The following TOGARAM1 variants were observed in gnomAD, a reference collection of about 807,000 sequenced individuals.
The protein encoded by TOGARAM1 is TOG array regulator of axonemal microtubules protein 1.
In TOGARAM1, 100 loss-of-function variants were observed where a neutral mutation model predicts 166.6. The observed-to-expected ratio is 0.60, with a 90% CI of 0.51 to 0.71. TOGARAM1 has a LOEUF of 0.71. Ranked by LOEUF, TOGARAM1 falls within the 30% of genes least tolerant of loss-of-function variation. The pLI is 0.00. For missense variants in TOGARAM1, 2,029 were observed against 2,102.7 expected (o/e 0.96, Z 0.69); for synonymous variants, 758 against 763.8 (o/e 0.99, Z 0.13).
At chr14:45,027,596 G>A in intron 9 of TOGARAM1, 122 bp downstream of exon 9, 4 of 759,184 alleles carry the variant, frequency 5.3e-6, no homozygotes, top group Non-Finnish European at 7.6e-6. Context: ...TAGTACAGTT[G>A]AAATTTTGAG....
At chr14:45,071,612 C>T (rs1883385428) in intron 18 of TOGARAM1, 100 bp from the exon 19 acceptor site, 1 of 724,108 alleles carries the variant, frequency 1.4e-6, no homozygotes, top group Non-Finnish European at 2.3e-6. Flanking sequence ...ACATTTGCAT[C>T]CTAGAAGTGA....
At chr14:45,066,812 A>C in intron 17 of TOGARAM1, 45 bp downstream of exon 17, 29 of 1,525,262 alleles carry the variant, frequency 1.9e-5, no homozygotes, top group Middle Eastern at 2.4e-4. Flanking sequence ...ATGGTGGCTC[A>C]CGCCTGTAAT....
At chr14:44,973,719 G>T (rs1197386630) in intron 1 of TOGARAM1, among the ~76,000 whole-genome samples, 1 of 150,466 alleles carries the variant, frequency 6.6e-6, no homozygotes, top group African/African-American at 2.4e-5. Context: ...TTCAATTTCT[G>T]TTTGTCTGAG....
chr14:44,999,451 T>C lies in TOGARAM1; in HGVS notation c.2292T>C (p.Gly764=). The change falls in exon 3 of 20, where the codon GGT becomes GGC. Residue 764 remains glycine, a synonymous_variant. Transcript: ENST00000361462. ...TATGTGGTAAAACTGGCAGTGTGGGTTCTGACTTACAATTCCTAGGGACAA... is the reference window on the plus strand; with the variant it reads ...TATGTGGTAAAACTGGCAGTGTGGGCTCTGACTTACAATTCCTAGGGACAA... ...SQICGKTGSV[G]SDLQFLGTTS... is the part of the protein sequence containing the mutation. 1 of 1,612,782 alleles carries C rather than the reference T, an allele frequency of 6.2e-7. No homozygotes were observed. The highest frequency in any genetic ancestry group is 8.5e-7 in the Non-Finnish European group (1 of 1,179,286).
chr14:44,978,991 A>C (rs1886376687), intron 1 of TOGARAM1, among the ~76,000 whole-genome samples: 1 of 150,164 alleles, frequency 6.7e-6, no homozygotes. Flanking sequence ...TTTTAATGTC[A>C]CTAACCAATC....
chr14:45,066,377 A>C (rs1594708199), intron 16 of TOGARAM1, among the ~76,000 whole-genome samples: 1 of 152,152 alleles, frequency 6.6e-6, no homozygotes, highest in East Asian at 1.9e-4. Flanking sequence ...AACTCTTACG[A>C]GTCTTCCTAG....
chr14:45,020,114 A>T (rs779921611), intron 7 of TOGARAM1, among the ~76,000 whole-genome samples: 18 of 152,174 alleles, frequency 1.2e-4, no homozygotes, highest in Non-Finnish European at 5.9e-5. Context: ...TCCAAAGAAG[A>T]GTAACAATAT....
At chr14:45,061,517 G>A (rs1882899709) in intron 16 of TOGARAM1, among the ~76,000 whole-genome samples, 1 of 152,178 alleles carries the variant, frequency 6.6e-6, no homozygotes, top group Non-Finnish European at 1.5e-5. Context: ...GATATTAGCT[G>A]TAGGTTTCAT....
chr14:45,004,145 C>T lies in TOGARAM1; in HGVS notation c.2423C>T (p.Pro808Leu), dbSNP rs2138838162. 6.2e-7 allele frequency: 1 copy of T among 1,614,072 alleles called. No homozygotes were observed. The highest frequency in any genetic ancestry group is 2.2e-5 in the East Asian group (1 of 44,860). The change falls in exon 4 of 20, where the codon CCA becomes CTA. Residue 808 changes from proline to leucine, a missense_variant. Physicochemically the swap from Pro to Leu is moderately conservative, Grantham distance 98 (BLOSUM62 -3). Coordinates refer to ENST00000361462, the MANE Select transcript of TOGARAM1 (RefSeq NM_001308120.2). ...TGTACTTCCTCAAATGGTCAAAATC[C>T]AAGTCCAGGAGCTTACATCCTTCCA... is the stretch of plus-strand genomic sequence containing the variant. ...TECTSSNGQN[P>L]SPGAYILPSY...
At chr14:44,986,089 T>A (rs949549087) in intron 1 of TOGARAM1, among the ~76,000 whole-genome samples, 3 of 152,244 alleles carry the variant, frequency 2.0e-5, no homozygotes, top group South Asian at 2.1e-4. Flanking sequence ...GTGTTGTTAA[T>A]GTATACAATC....
At chr14:45,036,546 G>A (rs1023730630) in intron 11 of TOGARAM1, among the ~76,000 whole-genome samples, 2 of 152,130 alleles carry the variant, frequency 1.3e-5, no homozygotes, top group African/African-American at 2.4e-5. Flanking sequence ...TCAAAGCAAA[G>A]AATATTAATG....
At position 45,073,727 on chromosome 14, in the gene TOGARAM1, C is replaced by G; in HGVS notation, c.*166C>G. On this transcript the variant is annotated 3_prime_UTR_variant, in exon 20 of 20. Coordinates refer to ENST00000361462, the MANE Select transcript of TOGARAM1 (RefSeq NM_001308120.2). ...ACACATCTGTCCTATATCAACCTTACCACTTATATTCATCACATAAAAACC... is the reference window on the plus strand; with the variant it reads ...ACACATCTGTCCTATATCAACCTTAGCACTTATATTCATCACATAAAAACC... The G allele has an allele frequency of 1.8e-6, 1 of 559,094 alleles. No homozygotes were observed. Among genetic ancestry groups the G allele is most frequent in the Non-Finnish European group, 3.0e-6 (1 of 329,860 alleles). 34.6% of individuals were successfully genotyped at this position (559,094 alleles called of 1,614,324 possible). A position where few individuals can be genotyped will look rare whatever the true frequency, so the allele number is the denominator to read the frequency against.
chr14:45,056,324 G>C (rs955866031), intron 16 of TOGARAM1, among the ~76,000 whole-genome samples: 19 of 152,108 alleles, frequency 1.2e-4, no homozygotes, highest in Non-Finnish European at 2.9e-5. Context: ...TCAGCAAACA[G>C]GGATAATTTG....
chr14:45,053,202 C>A (rs4497593), intron 15 of TOGARAM1, among the ~76,000 whole-genome samples: 7,051 of 151,972 alleles, frequency 0.046, 535 homozygotes, highest in African/African-American at 0.16. Flanking sequence ...CCACGCCCAA[C>A]TAATTTTTTG....
At chr14:44,968,092 G>A (rs570156714) in intron 1 of TOGARAM1, among the ~76,000 whole-genome samples, 2 of 152,274 alleles carry the variant, frequency 1.3e-5, no homozygotes, top group South Asian at 4.1e-4. Flanking sequence ...GAAAGATGCT[G>A]TGGTGTAATT....
Position 44,964,484 on chromosome 14 carries a change from T to G in TOGARAM1, c.2046+17T>G. 1.3e-6 allele frequency: 2 copies of G among 1,521,380 alleles called. No homozygotes were observed. The highest frequency in any genetic ancestry group is 1.8e-6 in the Non-Finnish European group (2 of 1,135,950). 94.2% of individuals were successfully genotyped at this position (1,521,380 alleles called of 1,614,324 possible). A position where few individuals can be genotyped will look rare whatever the true frequency, so the allele number is the denominator to read the frequency against. ...ATAGAGCAGGTATGCTTCTCTAATT[T>G]TCTTGAGTCGAAAGTGTGAAGAATT... On this transcript the variant is annotated intron_variant, in intron 1 of 19. Coordinates refer to ENST00000361462, the MANE Select transcript of TOGARAM1 (RefSeq NM_001308120.2).
At chr14:45,045,660 CAT>C (rs1479713619) in intron 13 of TOGARAM1, among the ~76,000 whole-genome samples, 22 of 83,178 alleles carry the variant, frequency 2.6e-4, no homozygotes, top group East Asian at 6.8e-4. Flanking sequence ...TATATACACA[CAT>C]ATATATGTGT....
intron 7 of TOGARAM1, among the ~76,000 whole-genome samples, chr14:45,017,027 A>G (rs1384486495): frequency 6.6e-6 from 1 of 152,222 alleles, no homozygotes; most frequent in Non-Finnish European, 1.5e-5. Flanking sequence ...TTTGAAGACG[A>G]TAGGTCACTT....
Position 45,006,412 on chromosome 14 carries a change from A to G in TOGARAM1, c.2904+145A>G, listed in dbSNP as rs1304555205. 5.0e-6 allele frequency: 3 copies of G among 597,912 alleles called. No homozygotes were observed. In the African/African-American group the frequency reaches 5.5e-5, roughly 11 times the overall value. 37.0% of individuals were successfully genotyped at this position (597,912 alleles called of 1,614,324 possible). A position where few individuals can be genotyped will look rare whatever the true frequency, so the allele number is the denominator to read the frequency against. ...CATTATAGAAAATGTGGAAAATACC[A>G]TGAATTAGTAGGAAGGGAATTTATC... is the stretch of plus-strand genomic sequence containing the variant. On this transcript the variant is annotated intron_variant, in intron 5 of 19. Coordinates refer to ENST00000361462, the MANE Select transcript of TOGARAM1 (RefSeq NM_001308120.2).
Sources: allele counts gnomAD v4.1 joint callset (sites outside exome capture counted in the v4.1 genomes callset), GRCh38; gene constraint gnomAD v4.1.1; transcripts MANE v1.5; gene names NCBI Gene and HGNC (gene_info 2026-07-23, HGNC 2026-07-21).